OR2A42: variants seen among roughly 807,000 people sequenced by gnomAD.
The protein encoded by OR2A42 is olfactory receptor 2A1/2A42.
For missense variants in OR2A42, 3 were observed against 104.1 expected (o/e 0.03, Z 4.23); for synonymous variants, 5 against 46.4 (o/e 0.11, Z 3.63).
Position 144,232,559 on chromosome 7 carries a change from AC to A in OR2A42, c.284del (p.Gly95ValfsTer3). 1.1e-6 allele frequency: 1 copy of A among 937,198 alleles called. No homozygotes were observed. The allele number at this position is 937,198 out of a possible 1,614,324, so 58.1% of individuals were successfully genotyped here. A position where few individuals can be genotyped will look rare whatever the true frequency, so the allele number is the denominator to read the frequency against. On this transcript the variant is annotated frameshift_variant, in exon 3 of 3. Transcript: ENST00000641810. LOFTEE classifies it low-confidence loss of function (END_TRUNC). ...LHPAKPISFA[G>X]CMTQTFLCLS... ...AACAGAGAAAGGTCTGCGTCATGCA[AC>A]CAGCAAAGGAGATGGGCTTGGCTGG...
At position 144,229,975 on chromosome 7, in the gene OR2A42, TC is replaced by T. The variant is rs1317381319; in HGVS notation, c.*1935del. The T allele has an allele frequency of 6.6e-6, 1 of 151,010 alleles. No individual in the cohort carries two copies. The highest frequency in any genetic ancestry group is 2.4e-5 in the African/African-American group (1 of 41,274). 9.4% of individuals were successfully genotyped at this position (151,010 alleles called of 1,614,324 possible). A position where few individuals can be genotyped will look rare whatever the true frequency, so the allele number is the denominator to read the frequency against. The stretch of plus-strand genomic sequence containing the variant: ...AATTTACAAAAACACTTTCTAATGT[TC>T]TTCAATTGATGAACCATCAACTTAA... On this transcript the variant is annotated 3_prime_UTR_variant, in exon 3 of 3. Transcript: ENST00000641810.
chr7:144,235,193 G>A (rs2052411483), intron 2 of OR2A42, among the ~76,000 whole-genome samples: 1 of 146,842 alleles, frequency 6.8e-6, no homozygotes, highest in Admixed American at 6.8e-5. Flanking sequence ...TTGGGTTCAA[G>A]TGCTCCTCCC....
chr7:144,238,907 T>C (rs2052466469), intron 1 of OR2A42, 164 bp from the exon 2 acceptor site: 1 of 150,330 alleles, frequency 6.7e-6, no homozygotes, highest in Admixed American at 6.6e-5. Context: ...AGCACTGCCC[T>C]TGTTCCCCAA....
At chr7:144,235,057 C>T (rs2052409341) in intron 2 of OR2A42, among the ~76,000 whole-genome samples, 1 of 147,014 alleles carries the variant, frequency 6.8e-6, no homozygotes, top group Non-Finnish European at 1.5e-5. Flanking sequence ...TCAAGTGATC[C>T]TCCCCCTCAG....
chr7:144,230,045 G>A lies in OR2A42; in HGVS notation c.*1866C>T, dbSNP rs1197687752. The A allele has an allele frequency of 6.8e-6, 1 of 147,800 alleles. No individual in the cohort carries two copies. Among genetic ancestry groups the A allele is most frequent in the East Asian group, 1.9e-4 (1 of 5,148 alleles). 9.2% of individuals were successfully genotyped at this position (147,800 alleles called of 1,614,324 possible). The stretch of plus-strand genomic sequence containing the variant: ...TTGGTTTCACCATCCTGCCCGTCAA[G>A]AGGCTCCTCCTCCGTCTCTGACCCT... On this transcript the variant is annotated 3_prime_UTR_variant, in exon 3 of 3. Transcript: ENST00000641810.
chr7:144,238,491 G>A lies in OR2A42; in HGVS notation c.-64C>T, dbSNP rs1354846449. Reference sequence around the variant, plus strand: ...CCAGGAGCTACAACATGTCTAGGAGGAATTCATGGTAAAGTAAAAAGAGGC... The same window carrying A: ...CCAGGAGCTACAACATGTCTAGGAGAAATTCATGGTAAAGTAAAAAGAGGC... On this transcript the variant is annotated 5_prime_UTR_variant, in exon 2 of 3. Transcript: ENST00000641810. The A allele has an allele frequency of 6.7e-6, 1 of 150,058 alleles. No homozygotes were observed. Among genetic ancestry groups the A allele is most frequent in the African/African-American group, 2.5e-5 (1 of 40,602 alleles). 9.3% of individuals were successfully genotyped at this position (150,058 alleles called of 1,614,324 possible). A position where few individuals can be genotyped will look rare whatever the true frequency, so the allele number is the denominator to read the frequency against.
rs763811333 is a variant in OR2A42 at position 144,232,531 on chromosome 7, TCAAA to T, written c.309_312del (p.Cys103Ter). 3.7e-5 allele frequency: 28 copies of T among 759,466 alleles called. 7 individuals carry two copies. Among genetic ancestry groups the T allele is most frequent in the Middle Eastern group, 4.9e-4 (2 of 4,054 alleles). 47.0% of individuals were successfully genotyped at this position (759,466 alleles called of 1,614,324 possible). On this transcript the variant is annotated frameshift_variant, in exon 3 of 3. Coordinates refer to ENST00000641810, the MANE Select transcript of OR2A42 (RefSeq NM_001001802.3). LOFTEE classifies it low-confidence loss of function (END_TRUNC). ...AGGAGACATTCGCTGTGTCCAAAAC[TCAAA>T]CAGAGAAAGGTCTGCGTCATGCAAC...
intron 2 of OR2A42, among the ~76,000 whole-genome samples, chr7:144,237,786 G>A (rs2052450251): frequency 6.7e-6 from 1 of 149,600 alleles, no homozygotes; most frequent in Non-Finnish European, 1.5e-5. Flanking sequence ...CTGTGAATCA[G>A]GTTCTCAGGC....
In OR2A42 at chr7:144,230,141, G is replaced by GT. The variant is rs746718926; in HGVS notation, c.*1769dup. 1.2e-5 allele frequency: 1 copy of GT among 80,400 alleles called. No individual in the cohort carries two copies. The highest frequency in any genetic ancestry group is 2.8e-5 in the Non-Finnish European group (1 of 35,128). The allele number at this position is 80,400 out of a possible 1,614,324, so 5.0% of individuals were successfully genotyped here. ...ACCAGTATAAAAAAAGCTGTTTTTT[G>GT]TTTGTTTGTTTGTTTGTTTGTTTGT... On this transcript the variant is annotated 3_prime_UTR_variant, in exon 3 of 3. Transcript: ENST00000641810.
chr7:144,235,836 GTA>G (rs2052421338), intron 2 of OR2A42, among the ~76,000 whole-genome samples: 1 of 151,528 alleles, frequency 6.6e-6, no homozygotes, highest in Admixed American at 6.6e-5. Context: ...CAGGCATTGT[GTA>G]TACTTTCAGG....
At chr7:144,238,129 A>G (rs1586965056) in intron 2 of OR2A42, among the ~76,000 whole-genome samples, 1 of 109,154 alleles carries the variant, frequency 9.2e-6, no homozygotes, top group African/African-American at 3.8e-5. Flanking sequence ...AAGGTTCACA[A>G]TAGTCCCTTA....
chr7:144,235,558 A>G (rs1353983480), intron 2 of OR2A42, among the ~76,000 whole-genome samples: 1 of 152,150 alleles, frequency 6.6e-6, no homozygotes, highest in Admixed American at 6.5e-5. Context: ...TACTGTGTGG[A>G]CAAATTAATC....
chr7:144,234,796 T>C (rs2052404002), intron 2 of OR2A42, among the ~76,000 whole-genome samples: 1 of 108,608 alleles, frequency 9.2e-6, no homozygotes, highest in Non-Finnish European at 1.8e-5. Context: ...TGTAACTTCA[T>C]AACACATGGC....
At chr7:144,237,697 A>G (rs1185540585) in intron 2 of OR2A42, among the ~76,000 whole-genome samples, 1 of 150,302 alleles carries the variant, frequency 6.7e-6, no homozygotes, top group Non-Finnish European at 1.5e-5. Context: ...TAGGTGTTCA[A>G]TAATTATTTA....
At position 144,229,034 on chromosome 7, in the gene OR2A42, TA is replaced by T. The variant is rs1401665265; in HGVS notation, c.*2876del. On this transcript the variant is annotated 3_prime_UTR_variant, in exon 3 of 3. Coordinates refer to ENST00000641810, the MANE Select transcript of OR2A42 (RefSeq NM_001001802.3). ...AAGAGTGAGTGGCCTCCTGTGCCTC[TA>T]GGGGGGACATGGGGAAGCCATGAGG... 6.6e-6 allele frequency: 1 copy of T among 152,432 alleles called. No individual in the cohort carries two copies. The highest frequency in any genetic ancestry group is 1.5e-5 in the Non-Finnish European group (1 of 68,810). The allele number at this position is 152,432 out of a possible 1,614,324, so 9.4% of individuals were successfully genotyped here. A position where few individuals can be genotyped will look rare whatever the true frequency, so the allele number is the denominator to read the frequency against.
rs2052410195 is a variant in OR2A42 at position 144,235,104 on chromosome 7, A to G, written c.-4-2257T>C. 2.0e-5 allele frequency among the ~76,000 whole-genome samples: 3 copies of G among 146,936 alleles called. No homozygotes were observed. The East Asian group carries it at 5.8e-4, about 28-fold the overall frequency. ...GCTGGGATTACAGGTGCATGCCACC[A>G]TACCTAGCTAATTTTTTTAAATAAA... On this transcript the variant is annotated intron_variant, in intron 2 of 2. Coordinates refer to ENST00000641810, the MANE Select transcript of OR2A42 (RefSeq NM_001001802.3).
rs1288551256 is a variant in OR2A42 at position 144,230,138 on chromosome 7, T to TTTG, written c.*1770_*1772dup. 1 of 18,676 alleles carries TTTG rather than the reference T, an allele frequency of 5.4e-5. No homozygotes were observed. The highest frequency in any genetic ancestry group is 2.2e-4 in the African/African-American group (1 of 4,632). The allele number at this position is 18,676 out of a possible 1,614,324, so 1.2% of individuals were successfully genotyped here. A position where few individuals can be genotyped will look rare whatever the true frequency, so the allele number is the denominator to read the frequency against. On this transcript the variant is annotated 3_prime_UTR_variant, in exon 3 of 3. Transcript: ENST00000641810. ...CGCACCAGTATAAAAAAAGCTGTTT[T>TTTG]TTGTTTGTTTGTTTGTTTGTTTGTT...
At chr7:144,234,885 C>T (rs1349653735) in intron 2 of OR2A42, among the ~76,000 whole-genome samples, 1 of 131,982 alleles carries the variant, frequency 7.6e-6, no homozygotes, top group Non-Finnish European at 1.6e-5. Context: ...AATTGGAAAA[C>T]ACGCAAAGCA....
rs1384880956 is a variant in OR2A42, at chr7:144,229,873, C to T, written c.*2038G>A. On this transcript the variant is annotated 3_prime_UTR_variant, in exon 3 of 3. Transcript: ENST00000641810. ...ATGGCTCACTGCAGCCTCAAAATCC[C>T]TGGCTCAAGTGATCCTCTTGCCTCA... 2 of 151,760 alleles carry T rather than the reference C, an allele frequency of 1.3e-5. No individual in the cohort carries two copies. The highest frequency in any genetic ancestry group is 2.4e-5 in the African/African-American group (1 of 41,422). The allele number at this position is 151,760 out of a possible 1,614,324, so 9.4% of individuals were successfully genotyped here.
Sources: gnomAD v4.1 joint callset for allele counts (sites outside exome capture counted in the v4.1 genomes callset) on GRCh38, gnomAD v4.1.1 for gene constraint, MANE v1.5 for transcripts, NCBI Gene and HGNC (gene_info 2026-07-23, HGNC 2026-07-21) for gene names.